Variants in ALG6 observed in about 807,000 individuals in gnomAD.
The protein encoded by ALG6 is ALG6 alpha-1,3-glucosyltransferase.
Under a neutral mutation model 66.6 loss-of-function variants are expected in ALG6, and 46 were observed. That is an observed-to-expected ratio of 0.69 (90% CI 0.55 to 0.88). The LOEUF is 0.88. Among genes scored for constraint, ALG6 ranks in the 40% least tolerant of loss-of-function variants. The pLI, the probability that ALG6 is intolerant of heterozygous loss-of-function variation, is 0.00. For synonymous variants in ALG6, 185 were observed against 203.7 expected (o/e 0.91, Z 0.78); for missense variants, 505 against 586.8 (o/e 0.86, Z 1.44).
chr1:63,404,607 G>T lies in ALG6; in HGVS notation c.346+66G>T, dbSNP rs1206247149. On this transcript the variant is annotated intron_variant, in intron 5 of 14. Transcript: ENST00000263440. ...TAAAAATTTTGGACAAACTGGTAAAGGTACTATTATTGTTCTTACTGACTT... is the reference window on the plus strand; with the variant it reads ...TAAAAATTTTGGACAAACTGGTAAATGTACTATTATTGTTCTTACTGACTT... 6 of 1,295,030 alleles carry T rather than the reference G, an allele frequency of 4.6e-6. No homozygotes were observed. In the East Asian group the frequency reaches 1.4e-4, roughly 30 times the overall value. 80.2% of individuals were successfully genotyped at this position (1,295,030 alleles called of 1,614,324 possible).
At chr1:63,422,416 TATATATATAA>T (rs1557595385) in intron 12 of ALG6, among the ~76,000 whole-genome samples, 1 of 24,944 alleles carries the variant, frequency 4.0e-5, no homozygotes, top group Non-Finnish European at 5.8e-5. Flanking sequence ...TAAATATAAA[TATATATATAA>T]ATATAAATAT....
intron 6 of ALG6, 93 bp downstream of exon 6, chr1:63,406,492 G>T (rs1644490469): frequency 2.7e-6 from 3 of 1,092,562 alleles, no homozygotes; most frequent in Admixed American, 1.8e-5. Context: ...CCATGCTTTT[G>T]GAAAGAGAGT....
intron 5 of ALG6, among the ~76,000 whole-genome samples, chr1:63,405,385 A>C (rs906177194): frequency 6.6e-6 from 1 of 152,156 alleles, no homozygotes; most frequent in African/African-American, 2.4e-5. Context: ...CAGTCATTAA[A>C]AATTACTTTC....
intron 1 of ALG6, among the ~76,000 whole-genome samples, chr1:63,369,892 C>G (rs1647855508): frequency 6.6e-6 from 1 of 151,724 alleles, no homozygotes; most frequent in East Asian, 2.0e-4. Context: ...GATCTCGGCT[C>G]ACTGCAACCT....
intron 8 of ALG6, 70 bp downstream of exon 8, chr1:63,411,401 G>A: frequency 7.1e-7 from 1 of 1,407,736 alleles, no homozygotes; most frequent in East Asian, 2.4e-5. Flanking sequence ...CTTACTTGCA[G>A]TAAGATGATC....
Position 63,379,659 on chromosome 1 carries a change from A to C in ALG6, c.82+8600A>C, listed in dbSNP as rs78435951. On this transcript the variant is annotated intron_variant, in intron 2 of 14. Transcript: ENST00000263440. ...CTGTTGTTTCTGGGGCCTCTAAGGA[A>C]TTCTTTCATGTTACTGCTAGTTCAG... 1.3e-4 allele frequency among the ~76,000 whole-genome samples: 20 copies of C among 152,068 alleles called. No individual in the cohort carries two copies. The East Asian group carries it at 3.9e-3, about 29-fold the overall frequency.
rs867393672 is a variant in ALG6, at chr1:63,422,238, T to G, written c.1058+2798T>G. Among the ~76,000 whole-genome samples the G allele has an allele frequency of 4.5e-3, 335 of 73,878 alleles. 82 individuals are homozygous for G. Among genetic ancestry groups the G allele is most frequent in the African/African-American group, 0.018 (289 of 16,022 alleles). 48.5% of individuals were successfully genotyped at this position (73,878 alleles called of 152,430 possible). ...ATATATTTATATAAATATAAATATA[T>G]ATATAAATATATATATTTATATAGA... is the stretch of plus-strand genomic sequence containing the variant. On this transcript the variant is annotated intron_variant, in intron 12 of 14. Coordinates refer to ENST00000263440, the MANE Select transcript of ALG6 (RefSeq NM_013339.4).
In ALG6 at chr1:63,413,809, A is replaced by G. The variant is rs781585762; in HGVS notation, c.817-252A>G. On this transcript the variant is annotated intron_variant, in intron 9 of 14. Transcript: ENST00000263440. ...GATAGTGCACTGCTCTTTGAAAACT[A>G]TTAAGTATTTGGGAATGTCTGGATT... The G allele has an allele frequency of 1.8e-4, 68 of 387,672 alleles. No individual in the cohort carries two copies. In the Middle Eastern group the frequency reaches 4.8e-3, roughly 28 times the overall value. 24.0% of individuals were successfully genotyped at this position (387,672 alleles called of 1,614,324 possible).
rs368074644 is a variant in ALG6 at position 63,394,376 on chromosome 1, T to C, written c.83-2137T>C. On this transcript the variant is annotated intron_variant, in intron 2 of 14. Coordinates refer to ENST00000263440, the MANE Select transcript of ALG6 (RefSeq NM_013339.4). Reference sequence around the variant, plus strand: ...ATGGAGATAGCTTTACATCTTTTTTTTTTCTTTCTTTCTTTTCTTTTGAGA... The same window carrying C: ...ATGGAGATAGCTTTACATCTTTTTTCTTTCTTTCTTTCTTTTCTTTTGAGA... 1.8e-4 allele frequency among the ~76,000 whole-genome samples: 28 copies of C among 152,210 alleles called. 1 individual carries two copies. The highest frequency in any genetic ancestry group is 3.8e-4 in the Non-Finnish European group (26 of 68,010).
rs1224349458 is a variant in ALG6 at position 63,438,469 on chromosome 1, G to C, written c.*1449G>C. The C allele has an allele frequency of 2.6e-5, 4 of 152,144 alleles. No homozygotes were observed. Among genetic ancestry groups the C allele is most frequent in the Admixed American group, 6.6e-5 (1 of 15,262 alleles). The allele number at this position is 152,144 out of a possible 1,614,324, so 9.4% of individuals were successfully genotyped here. A position where few individuals can be genotyped will look rare whatever the true frequency, so the allele number is the denominator to read the frequency against. ...ACATAGAATGTTGACTTAGATAAAT[G>C]ATGAGGAAGTTATAAATAATTGGAG... is the stretch of plus-strand genomic sequence containing the variant. On this transcript the variant is annotated 3_prime_UTR_variant, in exon 15 of 15. Transcript: ENST00000263440.
At chr1:63,369,039 C>T (rs1647822747) in intron 1 of ALG6, among the ~76,000 whole-genome samples, 1 of 152,056 alleles carries the variant, frequency 6.6e-6, no homozygotes, top group African/African-American at 2.4e-5. Flanking sequence ...TTAGTTTTGC[C>T]TATTTATGAA....
At chr1:63,426,240 T>A (rs1644614977) in intron 12 of ALG6, among the ~76,000 whole-genome samples, 2 of 151,542 alleles carry the variant, frequency 1.3e-5, no homozygotes, top group Non-Finnish European at 2.9e-5. Context: ...ATTATTAGGG[T>A]GGAGAGAGGG....
At chr1:63,434,158 A>G (rs1327578824) in intron 14 of ALG6, among the ~76,000 whole-genome samples, 1 of 152,194 alleles carries the variant, frequency 6.6e-6, no homozygotes, top group African/African-American at 2.4e-5. Context: ...TATGGTAGCT[A>G]TGTGGAGAAC....
At chr1:63,400,206 A>ATAT (rs1553155035) in intron 3 of ALG6, among the ~76,000 whole-genome samples, 5 of 36,430 alleles carry the variant, frequency 1.4e-4, no homozygotes, top group South Asian at 3.1e-3. Flanking sequence ...AAAAAAAAAA[A>ATAT]ATATATATAT....
Position 63,437,716 on chromosome 1 carries a change from T to TTTAAC in ALG6, c.*704_*708dup, listed in dbSNP as rs1178959305. The TTTAAC allele has an allele frequency of 6.6e-6, 1 of 152,148 alleles. No homozygotes were observed. Among genetic ancestry groups the TTTAAC allele is most frequent in the Non-Finnish European group, 1.5e-5 (1 of 68,030 alleles). The allele number at this position is 152,148 out of a possible 1,614,324, so 9.4% of individuals were successfully genotyped here. A position where few individuals can be genotyped will look rare whatever the true frequency, so the allele number is the denominator to read the frequency against. ...AATTTTCCTGAATTTAAATGTAAGC[T>TTTAAC]TTAACTTAACTTTAAGTGGTTTGAG... is the stretch of plus-strand genomic sequence containing the variant. On this transcript the variant is annotated 3_prime_UTR_variant, in exon 15 of 15. Transcript: ENST00000263440.
chr1:63,368,693 GT>G (rs1394199851), intron 1 of ALG6, among the ~76,000 whole-genome samples: 1 of 151,932 alleles, frequency 6.6e-6, no homozygotes, highest in Non-Finnish European at 1.5e-5. Context: ...TAGAGATGGG[GT>G]TTCACCATGT....
chr1:63,396,177 G>A (rs1464214580), intron 2 of ALG6, among the ~76,000 whole-genome samples: 1 of 152,144 alleles, frequency 6.6e-6, no homozygotes, highest in Admixed American at 6.5e-5. Context: ...TAATAATAGT[G>A]TCTATTTATT....
intron 3 of ALG6, among the ~76,000 whole-genome samples, chr1:63,400,536 A>G (rs1229863215): frequency 6.6e-6 from 1 of 150,806 alleles, no homozygotes; most frequent in African/African-American, 2.4e-5. Context: ...TAAATCCTAT[A>G]TTTTTTTCCT....
At chr1:63,427,869 T>C (rs1226947966) in intron 12 of ALG6, among the ~76,000 whole-genome samples, 3 of 149,050 alleles carry the variant, frequency 2.0e-5, no homozygotes, top group Non-Finnish European at 4.4e-5. Context: ...TGCAGTGGTG[T>C]GATCTCAGCT....
Sources: gnomAD v4.1 joint callset for allele counts (sites outside exome capture counted in the v4.1 genomes callset) on GRCh38, gnomAD v4.1.1 for gene constraint, MANE v1.5 for transcripts, NCBI Gene and HGNC (gene_info 2026-07-23, HGNC 2026-07-21) for gene names.